TUT4: variants seen among roughly 807,000 people sequenced by gnomAD.
TUT4 encodes terminal uridylyltransferase 4.
TUT4 carries 36 observed loss-of-function variants against 192.2 expected under a neutral mutation model. The observed-to-expected ratio is 0.19, with a 90% CI of 0.14 to 0.25. TUT4 has a LOEUF of 0.25. TUT4 is among the 10% of genes least tolerant of loss of function. The probability of loss-of-function intolerance (pLI) is 1.00; values close to 1 mark genes in which losing one functional copy is unlikely to be tolerated. For missense variants in TUT4, 1,493 were observed against 1,957.2 expected (o/e 0.76, Z 4.47); for synonymous variants, 618 against 666.0 (o/e 0.93, Z 1.11).
chr1:52,427,396 A>G (rs565045318), intron 28 of TUT4, among the ~76,000 whole-genome samples: 1 of 152,276 alleles, frequency 6.6e-6, no homozygotes, highest in South Asian at 2.1e-4. Flanking sequence ...ATAGTACAGT[A>G]TGTTTGTGGG....
chr1:52,468,281 A>C lies in TUT4; in HGVS notation c.2879-14T>G. 1 of 1,550,344 alleles carries C rather than the reference A, an allele frequency of 6.5e-7. No homozygotes were observed. The highest frequency in any genetic ancestry group is 8.7e-7 in the Non-Finnish European group (1 of 1,151,746). On this transcript the variant is annotated splice_polypyrimidine_tract_variant and intron_variant, in intron 14 of 29. Transcript: ENST00000257177. ...GTGATAACTCATCTGGGTTTATAAA[A>C]AGAAGAAAAAAGGAAAAAGAAAAGT... is the stretch of plus-strand genomic sequence containing the variant.
At chr1:52,508,314 G>A (rs1333705224) in intron 4 of TUT4, among the ~76,000 whole-genome samples, 2 of 142,086 alleles carry the variant, frequency 1.4e-5, no homozygotes, top group African/African-American at 5.3e-5. Flanking sequence ...AAGACAGAGT[G>A]AGACTCTGTC....
intron 2 of TUT4, among the ~76,000 whole-genome samples, chr1:52,516,324 C>T (rs1678704012): frequency 6.6e-6 from 1 of 152,064 alleles, no homozygotes; most frequent in Non-Finnish European, 1.5e-5. Context: ...ACTTACATTA[C>T]ACAAAGCTAA....
Position 52,431,325 on chromosome 1 carries a change from G to A in TUT4, c.4399C>T (p.Pro1467Ser). Reference protein sequence around the residue: ...LGPPQQGAQPPHQVQMPLYNF... With the variant: ...LGPPQQGAQPSHQVQMPLYNF... The stretch of plus-strand genomic sequence containing the variant: ...TACAGTGGCATCTGGACCTGATGGG[G>A]AGGTTGGGCTCCCTGCTGAGGTGGG... The change falls in exon 28 of 30, where the codon CCC becomes TCC. Residue 1467 changes from proline (P) to serine (S), a missense_variant. Physicochemically the swap from Pro to Ser is moderately conservative, Grantham distance 74 (BLOSUM62 -1). Transcript: ENST00000257177. 1 of 1,614,204 alleles carries A rather than the reference G, an allele frequency of 6.2e-7. No individual in the cohort carries two copies. The highest frequency in any genetic ancestry group is 8.5e-7 in the Non-Finnish European group (1 of 1,180,032).
chr1:52,456,828 C>T (rs1367173145), intron 20 of TUT4, among the ~76,000 whole-genome samples: 2 of 152,078 alleles, frequency 1.3e-5, no homozygotes, highest in East Asian at 3.8e-4. Context: ...TTAGAATATA[C>T]AACATCAAGA....
intron 4 of TUT4, among the ~76,000 whole-genome samples, chr1:52,505,547 G>C: frequency 6.7e-6 from 1 of 149,308 alleles, no homozygotes; most frequent in Non-Finnish European, 1.5e-5. Context: ...TCAGCCTCTC[G>C]AGTAGCTGGA....
At chr1:52,443,483 G>C (rs959179166) in intron 24 of TUT4, among the ~76,000 whole-genome samples, 1 of 152,028 alleles carries the variant, frequency 6.6e-6, no homozygotes, top group Non-Finnish European at 1.5e-5. Flanking sequence ...CAGCTACTTG[G>C]GAGGCCGAGG....
chr1:52,470,267 T>C (rs1478220079), intron 14 of TUT4, among the ~76,000 whole-genome samples: 1 of 152,110 alleles, frequency 6.6e-6, no homozygotes, highest in Non-Finnish European at 1.5e-5. Context: ...TGGCCAAAGC[T>C]AGAATAATCT....
intron 5 of TUT4, among the ~76,000 whole-genome samples, chr1:52,495,970 T>G (rs750001899): frequency 6.6e-6 from 1 of 152,146 alleles, no homozygotes; most frequent in Non-Finnish European, 1.5e-5. Flanking sequence ...CAGTTAATTC[T>G]GTAAACCTAA....
At chr1:52,481,330 G>A in intron 11 of TUT4, 93 bp downstream of exon 11, 2 of 1,350,070 alleles carry the variant, frequency 1.5e-6, no homozygotes, top group Non-Finnish European at 2.1e-6. Context: ...GCTTGCTCAA[G>A]GTCAGTCAAT....
intron 24 of TUT4, 79 bp downstream of exon 24, chr1:52,445,708 A>T: frequency 9.3e-7 from 1 of 1,073,614 alleles, no homozygotes. Context: ...TATATCTAAC[A>T]TCAGTTTGGA....
chr1:52,515,427 T>C (rs749014325), intron 3 of TUT4: 1 of 173,744 alleles, frequency 5.8e-6, no homozygotes, highest in Non-Finnish European at 1.2e-5. Flanking sequence ...ATAAATATTT[T>C]GGTAGACATT....
rs545009700 is a variant in TUT4, at chr1:52,449,549, C to G, written c.3436-2882G>C. ...TCCTGACCTCAAGTAATCTACCCCC[C>G]TCGGCCGCCCAAAGTGCTGGGATTA... On this transcript the variant is annotated intron_variant, in intron 20 of 29. Coordinates refer to ENST00000257177, the MANE Select transcript of TUT4 (RefSeq NM_001009881.3). 5.3e-5 allele frequency among the ~76,000 whole-genome samples: 8 copies of G among 152,308 alleles called. No individual in the cohort carries two copies. The East Asian group carries it at 7.7e-4, about 15-fold the overall frequency.
At chr1:52,493,245 G>A (rs1671636153) in intron 7 of TUT4, among the ~76,000 whole-genome samples, 1 of 152,034 alleles carries the variant, frequency 6.6e-6, no homozygotes, top group Non-Finnish European at 1.5e-5. Flanking sequence ...CACCACGCCT[G>A]GCTAATTTTG....
intron 7 of TUT4, 111 bp from the exon 8 acceptor site, chr1:52,490,912 G>A (rs1458824870): frequency 2.3e-6 from 2 of 885,682 alleles, no homozygotes; most frequent in African/African-American, 3.4e-5. Context: ...TGCTTCTGTG[G>A]GATAATCCAC....
intron 2 of TUT4, among the ~76,000 whole-genome samples, chr1:52,523,473 C>T (rs184141568): frequency 2.0e-5 from 3 of 152,132 alleles, no homozygotes; most frequent in Admixed American, 6.5e-5. Flanking sequence ...GGCATGGTGG[C>T]GCACACCTGT....
intron 9 of TUT4, among the ~76,000 whole-genome samples, chr1:52,482,655 G>A (rs1030148234): frequency 3.3e-5 from 5 of 151,970 alleles, no homozygotes; most frequent in East Asian, 1.9e-4. Flanking sequence ...GGCTGGTCTC[G>A]AACCCTTGGG....
chr1:52,479,272 C>G (rs1334715322), intron 11 of TUT4, among the ~76,000 whole-genome samples: 1 of 152,120 alleles, frequency 6.6e-6, no homozygotes, highest in Non-Finnish European at 1.5e-5. Context: ...TGAGGAACAA[C>G]TGAAGCATTT....
intron 20 of TUT4, among the ~76,000 whole-genome samples, chr1:52,453,382 CA>C (rs555590629): frequency 1.2e-3 from 159 of 131,336 alleles, no homozygotes; most frequent in Middle Eastern, 3.8e-3. Flanking sequence ...AACTCCGTCT[CA>C]AAAAAAAAAA....
Sources: gnomAD v4.1 joint callset for allele counts (sites outside exome capture counted in the v4.1 genomes callset) on GRCh38, gnomAD v4.1.1 for gene constraint, MANE v1.5 for transcripts, NCBI Gene and HGNC (gene_info 2026-07-23, HGNC 2026-07-21) for gene names.